The following IPO5 variants were observed in gnomAD, a reference collection of about 807,000 sequenced individuals.
IPO5 encodes importin 5.
A neutral mutation model predicts 143.3 loss-of-function variants in IPO5; 18 were observed. The ratio of observed to expected loss-of-function variants is 0.13; its 90% CI spans 0.09 to 0.19. The LOEUF (loss-of-function observed/expected upper bound fraction) is 0.19, where lower values mean the gene tolerates loss of function less well. IPO5 is among the 10% of genes least tolerant of loss of function. The probability of loss-of-function intolerance (pLI) is 1.00; values close to 1 mark genes in which losing one functional copy is unlikely to be tolerated. For synonymous variants in IPO5, 477 were observed against 465.7 expected (o/e 1.02, Z -0.31); for missense variants, 1,013 against 1,336.9 (o/e 0.76, Z 3.78).
intron 4 of IPO5, among the ~76,000 whole-genome samples, chr13:97,979,574 T>G (rs924132363): frequency 1.8e-4 from 28 of 152,330 alleles, no homozygotes; most frequent in African/African-American, 6.7e-4. Flanking sequence ...ATTCATGGTA[T>G]TTATCACTAG....
At chr13:97,957,190 A>G (rs1272233343) in intron 2 of IPO5, among the ~76,000 whole-genome samples, 1 of 151,900 alleles carries the variant, frequency 6.6e-6, no homozygotes, top group Non-Finnish European at 1.5e-5. Context: ...AGTTTGATCT[A>G]ACATCTTTTT....
At chr13:97,967,276 C>T (rs1328236559) in intron 2 of IPO5, among the ~76,000 whole-genome samples, 1 of 151,948 alleles carries the variant, frequency 6.6e-6, no homozygotes. Flanking sequence ...ATTTGAGTCT[C>T]CTCTTTTTTT....
chr13:97,957,266 C>T (rs1884527022), intron 2 of IPO5, among the ~76,000 whole-genome samples: 2 of 151,818 alleles, frequency 1.3e-5, no homozygotes, highest in South Asian at 4.2e-4. Flanking sequence ...GGCGTGATCT[C>T]AGCTCACTGC....
intron 25 of IPO5, among the ~76,000 whole-genome samples, chr13:98,018,060 G>A (rs546689936): frequency 1.3e-5 from 2 of 152,234 alleles, no homozygotes; most frequent in African/African-American, 4.8e-5. Context: ...GCATTTTATT[G>A]TATTAAGTAG....
intron 2 of IPO5, among the ~76,000 whole-genome samples, chr13:97,961,335 A>G (rs1291349050): frequency 6.6e-6 from 1 of 152,144 alleles, no homozygotes; most frequent in Non-Finnish European, 1.5e-5. Context: ...TCTCTTGCAC[A>G]TATACCTAGG....
In IPO5 at chr13:98,006,356, A is replaced by AAT. The variant is rs1889240616; in HGVS notation, c.1716+8_1716+9insAT. ...GCTGTTGGGAAGGAAAAAGTAAGTA[A>AAT]TTTTTTTTTTTTTTTTTTTTTTTTT... On this transcript the variant is annotated intron_variant, in intron 17 of 28. Transcript: ENST00000651721. 2.0e-6 allele frequency: 1 copy of AAT among 507,094 alleles called. No individual in the cohort carries two copies. The highest frequency in any genetic ancestry group is 2.9e-6 in the Non-Finnish European group (1 of 348,024). The allele number at this position is 507,094 out of a possible 1,614,324, so 31.4% of individuals were successfully genotyped here. A position where few individuals can be genotyped will look rare whatever the true frequency, so the allele number is the denominator to read the frequency against.
At chr13:97,997,676 T>A in intron 12 of IPO5, 58 bp downstream of exon 12, 1 of 1,035,940 alleles carries the variant, frequency 9.7e-7, no homozygotes, top group South Asian at 1.4e-5. Context: ...ACGGTCCATC[T>A]CTTCACTATT....
At chr13:97,986,736 T>G (rs1383622924) in intron 6 of IPO5, among the ~76,000 whole-genome samples, 2 of 152,338 alleles carry the variant, frequency 1.3e-5, no homozygotes, top group East Asian at 1.9e-4. Flanking sequence ...TTACTAAAGG[T>G]AAAAATCCTT....
At chr13:97,958,486 A>T (rs1217195847) in intron 2 of IPO5, among the ~76,000 whole-genome samples, 2 of 151,116 alleles carry the variant, frequency 1.3e-5, no homozygotes, top group Admixed American at 1.3e-4. Flanking sequence ...AGTGTCAGGG[A>T]CTCTCCTTTG....
At chr13:97,959,715 C>T (rs796385416) in intron 2 of IPO5, among the ~76,000 whole-genome samples, 23 of 152,266 alleles carry the variant, frequency 1.5e-4, no homozygotes, top group African/African-American at 4.3e-4. Context: ...GCCGGGGTGA[C>T]GGACTGGGAC....
chr13:97,993,064 A>T, intron 10 of IPO5, 41 bp from the exon 11 acceptor site: 1 of 1,612,118 alleles, frequency 6.2e-7, no homozygotes, highest in Admixed American at 1.7e-5. Context: ...TCAGGGACTA[A>T]TCTAAATTAT....
At chr13:98,017,859 G>A (rs1271765306) in intron 25 of IPO5, among the ~76,000 whole-genome samples, 1 of 151,734 alleles carries the variant, frequency 6.6e-6, no homozygotes, top group Non-Finnish European at 1.5e-5. Flanking sequence ...AGTAGAGATG[G>A]GGTTTCACCA....
chr13:97,984,309 C>T (rs530925791), intron 5 of IPO5, among the ~76,000 whole-genome samples: 23 of 152,266 alleles, frequency 1.5e-4, no homozygotes, highest in Admixed American at 9.2e-4. Flanking sequence ...AAACAGATGA[C>T]TGTTTTAATT....
intron 2 of IPO5, among the ~76,000 whole-genome samples, chr13:97,957,901 C>T (rs1372687178): frequency 5.3e-5 from 8 of 151,966 alleles, no homozygotes; most frequent in Non-Finnish European, 8.8e-5. Context: ...AGCAGAATCG[C>T]TTGAACCCAT....
At chr13:98,015,270 G>GTGTGTGTT (rs71213662) in intron 22 of IPO5, among the ~76,000 whole-genome samples, 5 of 151,638 alleles carry the variant, frequency 3.3e-5, no homozygotes, top group Non-Finnish European at 7.4e-5. Context: ...GTGTGTGTGT[G>GTGTGTGTT]TTTTCCATCT....
chr13:97,956,663 T>C (rs569260915), intron 2 of IPO5, among the ~76,000 whole-genome samples: 6 of 152,208 alleles, frequency 3.9e-5, no homozygotes, highest in Non-Finnish European at 8.8e-5. Flanking sequence ...TAAAATACTA[T>C]GATTTTCTTC....
chr13:98,006,778 G>T (rs1315040178), intron 17 of IPO5, among the ~76,000 whole-genome samples: 3 of 150,650 alleles, frequency 2.0e-5, no homozygotes, highest in African/African-American at 4.9e-5. Context: ...CTGGATGCTT[G>T]TTTTTTTCCT....
chr13:98,012,159 T>TGTG (rs1889771254), intron 20 of IPO5, 87 bp from the exon 21 acceptor site: 1 of 798,094 alleles, frequency 1.3e-6, no homozygotes, highest in Non-Finnish European at 2.3e-6. Context: ...TACAACCTCC[T>TGTG]GTGGTCCTTA....
chr13:98,019,094 A>G (rs1045159110), intron 26 of IPO5, among the ~76,000 whole-genome samples: 2 of 152,018 alleles, frequency 1.3e-5, no homozygotes, highest in African/African-American at 4.8e-5. Context: ...CTGGGACTAC[A>G]GGCGCATGCC....
Sources: allele counts gnomAD v4.1 joint callset (sites outside exome capture counted in the v4.1 genomes callset), GRCh38; gene constraint gnomAD v4.1.1; transcripts MANE v1.5; gene names NCBI Gene and HGNC (gene_info 2026-07-23, HGNC 2026-07-21).